CDK6: variants seen among roughly 807,000 people sequenced by gnomAD.
CDK6 encodes cyclin dependent kinase 6.
In CDK6, 6 loss-of-function variants were observed where a neutral mutation model predicts 37.1. That is an observed-to-expected ratio of 0.16 (90% CI 0.09 to 0.32). CDK6 has a LOEUF of 0.32. CDK6 is among the 10% of genes least tolerant of loss of function. The probability of loss-of-function intolerance (pLI) is 1.00; values close to 1 mark genes in which losing one functional copy is unlikely to be tolerated. For missense variants in CDK6, 224 were observed against 418.9 expected (o/e 0.53, Z 4.06); for synonymous variants, 160 against 161.3 (o/e 0.99, Z 0.06).
At chr7:92,794,862 T>G (rs1484551477) in intron 2 of CDK6, among the ~76,000 whole-genome samples, 1 of 151,316 alleles carries the variant, frequency 6.6e-6, no homozygotes, top group Non-Finnish European at 1.5e-5. Flanking sequence ...CTGAGTAATA[T>G]TCTTTTGGGT....
At chr7:92,790,658 A>C (rs1800258232) in intron 2 of CDK6, among the ~76,000 whole-genome samples, 1 of 152,208 alleles carries the variant, frequency 6.6e-6, no homozygotes, top group Non-Finnish European at 1.5e-5. Context: ...AGATACACAT[A>C]AGTGTATACA....
chr7:92,666,695 T>A (rs1209590030), intron 5 of CDK6, among the ~76,000 whole-genome samples: 8 of 152,198 alleles, frequency 5.3e-5, no homozygotes, highest in Non-Finnish European at 1.0e-4. Context: ...GTTATTGTAG[T>A]GCAGTGCATT....
intron 2 of CDK6, among the ~76,000 whole-genome samples, chr7:92,780,774 A>AC (rs1430125044): frequency 6.6e-6 from 1 of 151,376 alleles, no homozygotes; most frequent in Non-Finnish European, 1.5e-5. Context: ...AAAAAAAAAA[A>AC]AAAAACAAAA....
chr7:92,799,272 T>C (rs1800504747), intron 2 of CDK6, among the ~76,000 whole-genome samples: 1 of 152,190 alleles, frequency 6.6e-6, no homozygotes, highest in African/African-American at 2.4e-5. Flanking sequence ...CTCAAATGGA[T>C]AGCAGTAATT....
chr7:92,709,944 A>G (rs1373025223), intron 4 of CDK6, among the ~76,000 whole-genome samples: 1 of 152,238 alleles, frequency 6.6e-6, no homozygotes, highest in Non-Finnish European at 1.5e-5. Context: ...TGCTTTCAAC[A>G]TATGTGGAGC....
chr7:92,740,100 TC>T (rs1233683822), intron 3 of CDK6, among the ~76,000 whole-genome samples: 1 of 152,008 alleles, frequency 6.6e-6, no homozygotes, highest in Non-Finnish European at 1.5e-5. Flanking sequence ...CATGCAGAAG[TC>T]CCCCACTGTT....
rs1443686234 is a variant in CDK6, at chr7:92,735,513, C to T, written c.370-9720G>A. Reference sequence around the variant, plus strand: ...AACCAGAATAAATCCTGCCCTGCCTCTGTCATAGAACTGTGGAGAGAACCT... The same window carrying T: ...AACCAGAATAAATCCTGCCCTGCCTTTGTCATAGAACTGTGGAGAGAACCT... On this transcript the variant is annotated intron_variant, in intron 3 of 7. Transcript: ENST00000424848. Among the ~76,000 whole-genome samples the T allele has an allele frequency of 2.6e-5, 4 of 152,260 alleles. No individual in the cohort carries two copies. The South Asian group carries it at 6.2e-4, about 24-fold the overall frequency.
chr7:92,713,439 T>C (rs1798147781), intron 4 of CDK6, among the ~76,000 whole-genome samples: 1 of 152,136 alleles, frequency 6.6e-6, no homozygotes, highest in Non-Finnish European at 1.5e-5. Context: ...TAAAGCTATA[T>C]TGGTTTTTTG....
intron 5 of CDK6, among the ~76,000 whole-genome samples, chr7:92,631,587 G>A (rs1055407349): frequency 2.0e-5 from 3 of 152,060 alleles, no homozygotes; most frequent in Non-Finnish European, 2.9e-5. Context: ...AAAACTATAC[G>A]CACCTTGCCT....
chr7:92,724,978 C>T (rs960412041), intron 4 of CDK6: 6 of 957,134 alleles, frequency 6.3e-6, no homozygotes, highest in Non-Finnish European at 7.5e-6. Context: ...TAGAAGCTAA[C>T]CAATGTCAAT....
chr7:92,818,931 C>T (rs1801101772), intron 2 of CDK6, among the ~76,000 whole-genome samples: 1 of 151,996 alleles, frequency 6.6e-6, no homozygotes, highest in African/African-American at 2.4e-5. Context: ...CCCAAGTGTT[C>T]AGGAGGGTGC....
chr7:92,734,780 C>T (rs1683871504), intron 3 of CDK6, among the ~76,000 whole-genome samples: 1 of 152,146 alleles, frequency 6.6e-6, no homozygotes, highest in Admixed American at 6.5e-5. Context: ...AGTATTCGTA[C>T]CTTTTAGCCA....
At chr7:92,807,430 A>G (rs1562970815) in intron 2 of CDK6, among the ~76,000 whole-genome samples, 1 of 151,884 alleles carries the variant, frequency 6.6e-6, no homozygotes, top group Admixed American at 6.6e-5. Flanking sequence ...ATAGATATAC[A>G]TCTCTTTATC....
At chr7:92,794,710 A>T (rs1321107549) in intron 2 of CDK6, among the ~76,000 whole-genome samples, 1 of 151,974 alleles carries the variant, frequency 6.6e-6, no homozygotes, top group African/African-American at 2.4e-5. Context: ...AACATACCTG[A>T]CTCATTGGGG....
At chr7:92,727,352 T>C (rs563001801) in intron 3 of CDK6, among the ~76,000 whole-genome samples, 2 of 152,328 alleles carry the variant, frequency 1.3e-5, no homozygotes, top group South Asian at 4.1e-4. Context: ...TACTGGTTTA[T>C]GGTTTTGGTT....
intron 4 of CDK6, among the ~76,000 whole-genome samples, chr7:92,699,813 G>A (rs899064242): frequency 2.6e-5 from 4 of 152,210 alleles, no homozygotes; most frequent in Non-Finnish European, 4.4e-5. Context: ...CGAGGTAGAC[G>A]TAAATAATTT....
intron 4 of CDK6, among the ~76,000 whole-genome samples, chr7:92,699,186 C>T (rs2116656824): frequency 6.6e-6 from 1 of 152,294 alleles, no homozygotes; most frequent in African/African-American, 2.4e-5. Context: ...TAACTTAGTT[C>T]ACTATCAGAG....
chr7:92,649,532 G>T (rs1279594327), intron 5 of CDK6, among the ~76,000 whole-genome samples: 1 of 152,106 alleles, frequency 6.6e-6, no homozygotes, highest in Non-Finnish European at 1.5e-5. Context: ...TCATGTTTAA[G>T]GCAAGGATAA....
intron 4 of CDK6, among the ~76,000 whole-genome samples, chr7:92,696,808 A>G (rs1461669472): frequency 6.6e-6 from 1 of 152,248 alleles, no homozygotes; most frequent in Non-Finnish European, 1.5e-5. Flanking sequence ...TTCAGAGTCT[A>G]TGAACTCCTA....
Sources: gnomAD v4.1 joint callset for allele counts (sites outside exome capture counted in the v4.1 genomes callset) on GRCh38, gnomAD v4.1.1 for gene constraint, MANE v1.5 for transcripts, NCBI Gene and HGNC (gene_info 2026-07-23, HGNC 2026-07-21) for gene names.